The following RXRA variants were observed in gnomAD, a reference collection of about 807,000 sequenced individuals.
RXRA encodes the protein retinoic acid receptor RXR-alpha.
In RXRA, 5 loss-of-function variants were observed where a neutral mutation model predicts 44.5. The ratio of observed to expected loss-of-function variants is 0.11; its 90% CI spans 0.06 to 0.24. RXRA has a LOEUF of 0.24. Among genes scored for constraint, RXRA ranks in the 10% least tolerant of loss-of-function variants. The probability of loss-of-function intolerance (pLI) is 1.00; values close to 1 mark genes in which losing one functional copy is unlikely to be tolerated. For synonymous variants in RXRA, 291 were observed against 271.4 expected (o/e 1.07, Z -0.71); for missense variants, 412 against 646.5 (o/e 0.64, Z 3.93).
At chr9:134,420,561 G>A (rs1291363568) in intron 5 of RXRA, among the ~76,000 whole-genome samples, 1 of 152,250 alleles carries the variant, frequency 6.6e-6, no homozygotes, top group Non-Finnish European at 1.5e-5. Flanking sequence ...GCCCTCAGAG[G>A]CCTTTCCCGC....
In RXRA at chr9:134,417,574, C is replaced by T. The variant is rs764957180; in HGVS notation, c.780+247C>T. ...GGGCAGGGGCCAGGGGCCAGGGGCCCGGGGCCTGGGGCCCTGCGGCCACAT... is the reference window on the plus strand; with the variant it reads ...GGGCAGGGGCCAGGGGCCAGGGGCCTGGGGCCTGGGGCCCTGCGGCCACAT... On this transcript the variant is annotated intron_variant, in intron 5 of 9. Transcript: ENST00000481739. The surrounding 1 kb of genome is among the most constrained non-coding windows in gnomAD (Gnocchi z 6.1). Among the ~76,000 whole-genome samples, 12 of 151,598 alleles carry T rather than the reference C, an allele frequency of 7.9e-5. No individual in the cohort carries two copies. Among genetic ancestry groups the T allele is most frequent in the Non-Finnish European group, 1.6e-4 (11 of 67,930 alleles).
intron 8 of RXRA, 78 bp downstream of exon 8, chr9:134,432,074 C>A: frequency 1.8e-6 from 2 of 1,117,188 alleles, no homozygotes; most frequent in South Asian, 1.3e-5. Context: ...CCTGGCTGTA[C>A]TTCTTGCCTC....
At chr9:134,329,001 C>T (rs566662584) in intron 1 of RXRA, among the ~76,000 whole-genome samples, 6 of 152,348 alleles carry the variant, frequency 3.9e-5, no homozygotes, top group South Asian at 2.1e-4. Flanking sequence ...CCCTGCTGCC[C>T]GGGGCTGGCC....
At chr9:134,375,640 AGCCTGGGGTGGCCAGCAGGTGG>A (rs1184738145) in intron 1 of RXRA, among the ~76,000 whole-genome samples, 1 of 152,150 alleles carries the variant, frequency 6.6e-6, no homozygotes, top group Non-Finnish European at 1.5e-5. Context: ...GCCAGCGGGC[AGCCTGGGGTGGCCAGCAGGTGG>A]GCCCGGGGCC....
Position 134,417,126 on chromosome 9 carries a change from C to T in RXRA, c.611-32C>T, listed in dbSNP as rs758793531. The T allele has an allele frequency of 2.5e-5, 40 of 1,593,746 alleles. No individual in the cohort carries two copies. In the Admixed American group the frequency reaches 3.7e-4, roughly 15 times the overall value. On this transcript the variant is annotated intron_variant, in intron 4 of 9. Coordinates refer to ENST00000481739, the MANE Select transcript of RXRA (RefSeq NM_002957.6). The surrounding 1 kb of genome is among the most constrained non-coding windows in gnomAD (Gnocchi z 6.1). ...CCTGGGAGCCACTGGCCGGGCTGAG[C>T]GTGGGGCTCACCTGCGCCTCCCGGG...
intron 1 of RXRA, among the ~76,000 whole-genome samples, chr9:134,363,594 AG>A (rs970628604): frequency 1.3e-5 from 2 of 152,206 alleles, no homozygotes; most frequent in Admixed American, 1.3e-4. Flanking sequence ...CAAGGGGTGC[AG>A]GTGAGCAGGG....
intron 4 of RXRA, among the ~76,000 whole-genome samples, chr9:134,413,190 G>A (rs901106424): frequency 2.0e-5 from 3 of 152,186 alleles, no homozygotes; most frequent in African/African-American, 4.8e-5. Flanking sequence ...AGACCCCTGC[G>A]AGCTTGGGGG....
At chr9:134,400,078 T>C (rs1830935560) in intron 1 of RXRA, among the ~76,000 whole-genome samples, 1 of 152,024 alleles carries the variant, frequency 6.6e-6, no homozygotes, top group Admixed American at 6.5e-5. Context: ...GTAAGAAGAG[T>C]GCTGGCTTTG....
At chr9:134,378,292 G>T (rs1414738167) in intron 1 of RXRA, among the ~76,000 whole-genome samples, 2 of 151,974 alleles carry the variant, frequency 1.3e-5, no homozygotes, top group Non-Finnish European at 2.9e-5. Flanking sequence ...CAGCGCTGGG[G>T]AGCCAGGCCG....
chr9:134,327,624 C>T (rs1198231583), intron 1 of RXRA, among the ~76,000 whole-genome samples: 2 of 152,266 alleles, frequency 1.3e-5, no homozygotes, highest in South Asian at 4.1e-4. Context: ...ATGAAGCCCC[C>T]GCCATCCGTA....
At chr9:134,345,188 G>T (rs1442276260) in intron 1 of RXRA, among the ~76,000 whole-genome samples, 1 of 152,178 alleles carries the variant, frequency 6.6e-6, no homozygotes, top group Non-Finnish European at 1.5e-5. Context: ...GGAGGTTATG[G>T]GCTTCAGGGT....
intron 6 of RXRA, among the ~76,000 whole-genome samples, chr9:134,428,842 A>G (rs1831480318): frequency 6.6e-6 from 1 of 152,240 alleles, no homozygotes; most frequent in African/African-American, 2.4e-5. Context: ...CTTCTGGGGC[A>G]CATGAGTTTG....
Position 134,426,413 on chromosome 9 carries a change from G to A in RXRA, c.911-2695G>A, listed in dbSNP as rs1831435389. On this transcript the variant is annotated intron_variant, in intron 6 of 9. Coordinates refer to ENST00000481739, the MANE Select transcript of RXRA (RefSeq NM_002957.6). The surrounding 1 kb of genome is among the most constrained non-coding windows in gnomAD (Gnocchi z 4.6). ...AAGGAGGAGGGCAGCTTACAAAGGT[G>A]TGTGGGGCAGGAGAGGAGAAATAAC... The A allele has an allele frequency of 3.0e-6, 3 of 985,354 alleles. No homozygotes were observed. Among genetic ancestry groups the A allele is most frequent in the South Asian group, 9.4e-5 (2 of 21,294 alleles). 61.0% of individuals were successfully genotyped at this position (985,354 alleles called of 1,614,324 possible). A position where few individuals can be genotyped will look rare whatever the true frequency, so the allele number is the denominator to read the frequency against.
chr9:134,372,790 C>T (rs920455290), intron 1 of RXRA, among the ~76,000 whole-genome samples: 3 of 152,222 alleles, frequency 2.0e-5, no homozygotes, highest in Non-Finnish European at 4.4e-5. Flanking sequence ...GTGGGGCAGG[C>T]GAGTCCTGGC....
chr9:134,390,811 G>A (rs967184780), intron 1 of RXRA, among the ~76,000 whole-genome samples: 2 of 152,218 alleles, frequency 1.3e-5, no homozygotes, highest in African/African-American at 4.8e-5. Context: ...CCGCCAGTCA[G>A]GCCCCTGCAC....
intron 1 of RXRA, among the ~76,000 whole-genome samples, chr9:134,347,031 G>A (rs1830161114): frequency 6.6e-6 from 1 of 152,196 alleles, no homozygotes; most frequent in African/African-American, 2.4e-5. Context: ...CAGGCAGGTG[G>A]GAGTAGGGTG....
intron 1 of RXRA, among the ~76,000 whole-genome samples, chr9:134,358,065 C>T (rs1293752741): frequency 1.3e-5 from 2 of 152,268 alleles, no homozygotes; most frequent in Non-Finnish European, 2.9e-5. Context: ...CGAGGGCTGG[C>T]TCCTGCAGCA....
At position 134,426,982 on chromosome 9, in the gene RXRA, G is replaced by T. The variant is rs1831443855; in HGVS notation, c.911-2126G>T. The T allele has an allele frequency of 1.0e-6, 1 of 985,314 alleles. No individual in the cohort carries two copies. The highest frequency in any genetic ancestry group is 1.7e-5 in the African/African-American group (1 of 57,330). 61.0% of individuals were successfully genotyped at this position (985,314 alleles called of 1,614,324 possible). ...AGTGCCTCTCAGCCTGGGAAAACCT[G>T]ACGGGCTGAGCCGTAGGAGGGGCAG... On this transcript the variant is annotated intron_variant, in intron 6 of 9. Coordinates refer to ENST00000481739, the MANE Select transcript of RXRA (RefSeq NM_002957.6). This position sits in a 1 kb window ranked among gnomAD's most constrained non-coding sequence, Gnocchi z 4.6.
chr9:134,369,146 G>T (rs1318790975), intron 1 of RXRA, among the ~76,000 whole-genome samples: 2 of 73,852 alleles, frequency 2.7e-5, no homozygotes, highest in African/African-American at 5.9e-5. Context: ...GTGGGGTTAT[G>T]TGTGTGTGAG....
Sources: gnomAD v4.1 joint callset for allele counts (sites outside exome capture counted in the v4.1 genomes callset) on GRCh38, gnomAD v4.1.1 for gene constraint, Gnocchi (gnomAD v3.1) non-coding constraint, MANE v1.5 for transcripts, NCBI Gene and HGNC (gene_info 2026-07-23, HGNC 2026-07-21) for gene names.